Variants in TAF2 observed in about 807,000 individuals in gnomAD.
TAF2 encodes TATA-box binding protein associated factor 2.
A neutral mutation model predicts 138.5 loss-of-function variants in TAF2; 61 were observed. The observed-to-expected ratio is 0.44, with a 90% CI of 0.36 to 0.54. The LOEUF is 0.54. Ranked by LOEUF, TAF2 falls within the 20% of genes least tolerant of loss-of-function variation. The probability of loss-of-function intolerance (pLI) is 0.00; values close to 1 mark genes in which losing one functional copy is unlikely to be tolerated. For missense variants in TAF2, 1,090 were observed against 1,427.9 expected (o/e 0.76, Z 3.81); for synonymous variants, 475 against 469.9 (o/e 1.01, Z -0.14).
intron 21 of TAF2, among the ~76,000 whole-genome samples, chr8:119,756,622 T>C (rs1820718319): frequency 1.3e-5 from 2 of 152,266 alleles, no homozygotes; most frequent in Admixed American, 1.3e-4. Context: ...TTGTAAAACA[T>C]GGAAATGTGC....
chr8:119,769,789 G>A (rs929455462), intron 18 of TAF2, among the ~76,000 whole-genome samples: 10 of 148,724 alleles, frequency 6.7e-5, no homozygotes, highest in Admixed American at 2.0e-4. Context: ...ACAGAGTCTC[G>A]CTCTTGTCCC....
intron 3 of TAF2, among the ~76,000 whole-genome samples, chr8:119,806,647 T>C (rs948229339): frequency 1.4e-4 from 21 of 151,994 alleles, no homozygotes; most frequent in Non-Finnish European, 1.0e-4. Context: ...TTTATATTTT[T>C]AGTAGAGATG....
At chr8:119,806,246 A>T (rs750558962) in intron 4 of TAF2, 37 bp downstream of exon 4, 1 of 1,536,734 alleles carries the variant, frequency 6.5e-7, no homozygotes, top group Non-Finnish European at 9.0e-7. Context: ...ATCTAACGTG[A>T]TTTTAGTGTA....
intron 18 of TAF2, among the ~76,000 whole-genome samples, chr8:119,771,027 C>T (rs1276850314): frequency 2.0e-5 from 3 of 151,858 alleles, no homozygotes; most frequent in African/African-American, 4.8e-5. Context: ...GCTGAGATCA[C>T]GCCACTGCAC....
At chr8:119,753,211 AC>A (rs1400876597) in intron 22 of TAF2, among the ~76,000 whole-genome samples, 3 of 152,160 alleles carry the variant, frequency 2.0e-5, no homozygotes, top group Non-Finnish European at 4.4e-5. Flanking sequence ...ATCTTAATAA[AC>A]CATGCCCAGC....
chr8:119,822,869 T>C (rs779451214), intron 2 of TAF2, among the ~76,000 whole-genome samples: 28 of 152,180 alleles, frequency 1.8e-4, no homozygotes, highest in Admixed American at 1.4e-3. Flanking sequence ...AAAGCATTTA[T>C]TAATCTTCTT....
rs2292291 is a variant in TAF2, at chr8:119,832,811, A to G, written c.-247T>C. The G allele has an allele frequency of 8.3e-4, 385 of 461,610 alleles. 2 individuals are homozygous for G. In the East Asian group the frequency reaches 0.013, roughly 15 times the overall value. 28.6% of individuals were successfully genotyped at this position (461,610 alleles called of 1,614,324 possible). A position where few individuals can be genotyped will look rare whatever the true frequency, so the allele number is the denominator to read the frequency against. On this transcript the variant is annotated 5_prime_UTR_variant, in exon 1 of 26. Transcript: ENST00000378164. ...CTCCTCTCCGCAAGGGCTCGAAGCT[A>G]CCATCCGCCGACATCTTGTCTGTAA... is the stretch of plus-strand genomic sequence containing the variant.
rs1357525789 is a variant in TAF2, at chr8:119,742,660, A to C, written c.3215-4T>G. The C allele has an allele frequency of 6.2e-7, 1 of 1,613,896 alleles. No individual in the cohort carries two copies. Among genetic ancestry groups the C allele is most frequent in the South Asian group, 1.1e-5 (1 of 91,076 alleles). On this transcript the variant is annotated splice_polypyrimidine_tract_variant and splice_region_variant and intron_variant, in intron 24 of 25. Transcript: ENST00000378164. ...GCTGGCCGATATTTCGAGAGCCCTA[A>C]AATGCCAAACAAGAGAAAAAAGAGG...
rs1002122287 is a variant in TAF2, at chr8:119,796,487, C to G, written c.1091+503G>C. On this transcript the variant is annotated intron_variant, in intron 8 of 25. Transcript: ENST00000378164. ...TGGTACAAAGCTGAGCACTAGTAGG[C>G]AAATCCCTAAATAATTATTAATATT... is the stretch of plus-strand genomic sequence containing the variant. Among the ~76,000 whole-genome samples, 25 of 152,090 alleles carry G rather than the reference C, an allele frequency of 1.6e-4. 1 individual carries two copies. The highest frequency in any genetic ancestry group is 5.1e-4 in the African/African-American group (21 of 41,438).
intron 11 of TAF2, among the ~76,000 whole-genome samples, 189 bp downstream of exon 11, chr8:119,791,135 T>C (rs1393788662): frequency 6.6e-6 from 1 of 152,136 alleles, no homozygotes; most frequent in Non-Finnish European, 1.5e-5. Context: ...AAAATTCATG[T>C]GCAAAGTTGT....
Position 119,795,569 on chromosome 8 carries a change from GT to G in TAF2, c.1153del (p.Thr385LeufsTer15), listed in dbSNP as rs772227559. 6 of 1,613,670 alleles carry G rather than the reference GT, an allele frequency of 3.7e-6. No individual in the cohort carries two copies. Among genetic ancestry groups the G allele is most frequent in the African/African-American group, 1.3e-5 (1 of 75,002 alleles). ...ATGGCGGTACTCATTAACACCAAAA[GT>G]TTTTTTCATCCAAAGTCCATAGATA... Reference protein sequence around the residue: ...GYIYGLWMKKTFGVNEYRHWI... With the variant: ...GYIYGLWMKKXFGVNEYRHWI... On this transcript the variant is annotated frameshift_variant, in exon 9 of 26. Transcript: ENST00000378164. LOFTEE classifies it high-confidence loss of function.
intron 2 of TAF2, among the ~76,000 whole-genome samples, chr8:119,819,905 G>A (rs1170225540): frequency 6.6e-6 from 1 of 152,062 alleles, no homozygotes; most frequent in Non-Finnish European, 1.5e-5. Flanking sequence ...AAAAAAAGGG[G>A]TAAAAAATTA....
At chr8:119,776,076 G>A (rs1244767421) in intron 18 of TAF2, among the ~76,000 whole-genome samples, 1 of 152,078 alleles carries the variant, frequency 6.6e-6, no homozygotes, top group Non-Finnish European at 1.5e-5. Flanking sequence ...AAAAATGTTG[G>A]ACTATCATAA....
intron 25 of TAF2, among the ~76,000 whole-genome samples, chr8:119,741,919 C>T (rs1216801004): frequency 2.6e-5 from 4 of 152,124 alleles, no homozygotes; most frequent in Admixed American, 6.5e-5. Context: ...GATTATAATC[C>T]TCTCTTTGTA....
intron 24 of TAF2, 108 bp downstream of exon 24, chr8:119,744,180 A>T (rs917799992): frequency 3.8e-5 from 40 of 1,058,624 alleles, no homozygotes; most frequent in Middle Eastern, 2.0e-4. Context: ...TAAGCTGGCT[A>T]ATTTTAAACT....
At chr8:119,811,650 C>T (rs899112385) in intron 3 of TAF2, among the ~76,000 whole-genome samples, 1 of 151,144 alleles carries the variant, frequency 6.6e-6, no homozygotes, top group African/African-American at 2.4e-5. Context: ...ACTAAAAATA[C>T]AAAAAATTAG....
At chr8:119,755,945 C>A in intron 22 of TAF2, 61 bp downstream of exon 22, 10 of 1,327,606 alleles carry the variant, frequency 7.5e-6, no homozygotes, top group Non-Finnish European at 1.1e-5. Context: ...AATTGAAAAT[C>A]TGTTGTAAAA....
At position 119,804,438 on chromosome 8, in the gene TAF2, T is replaced by G. The variant is rs764849703; in HGVS notation, c.419-419A>C. ...CATCTTGCAGCGCCCATAACTCCCA[T>G]GTGGTATGGGAGGGACCTGGTAGGA... On this transcript the variant is annotated intron_variant, in intron 4 of 25. Coordinates refer to ENST00000378164, the MANE Select transcript of TAF2 (RefSeq NM_003184.4). Among the ~76,000 whole-genome samples, 4 of 152,222 alleles carry G rather than the reference T, an allele frequency of 2.6e-5. No homozygotes were observed. In the East Asian group the frequency reaches 5.8e-4, roughly 22 times the overall value.
chr8:119,793,957 T>C (rs1280947860), intron 9 of TAF2, among the ~76,000 whole-genome samples: 1 of 151,810 alleles, frequency 6.6e-6, no homozygotes, highest in Non-Finnish European at 1.5e-5. Flanking sequence ...GAGACAGGGT[T>C]TTACTCTGTC....
Sources: allele counts gnomAD v4.1 joint callset (sites outside exome capture counted in the v4.1 genomes callset), GRCh38; gene constraint gnomAD v4.1.1; transcripts MANE v1.5; gene names NCBI Gene and HGNC (gene_info 2026-07-23, HGNC 2026-07-21).